Variants in ZNF718 observed in about 807,000 individuals in gnomAD.
ZNF718 encodes the protein zinc finger protein 718.
Under a neutral mutation model 2.6 loss-of-function variants are expected in ZNF718, and 3 were observed. The observed-to-expected ratio is 1.16, with a 90% CI of 0.53 to 3.01. The LOEUF is 3.01. Ranked by LOEUF, ZNF718 falls within the 30% of genes most tolerant of loss-of-function variation. ZNF718 has a pLI of 0.03. For synonymous variants in ZNF718, 135 were observed against 77.9 expected (o/e 1.73, Z -3.86); for missense variants, 468 against 230.0 (o/e 2.03, Z -6.69).
In ZNF718 at chr4:162,636, A is replaced by G. The variant is rs1447420399; in HGVS notation, c.*514A>G. Reference sequence around the variant, plus strand: ...ATAGTAAGAGGGTTGTAGTACCTGTACTTGCATCATGGGTCTTATTGTGCA... The same window carrying G: ...ATAGTAAGAGGGTTGTAGTACCTGTGCTTGCATCATGGGTCTTATTGTGCA... On this transcript the variant is annotated 3_prime_UTR_variant, in exon 4 of 4. Coordinates refer to ENST00000510175, the MANE Select transcript of ZNF718 (RefSeq NM_001039127.6). 1 of 152,570 alleles carries G rather than the reference A, an allele frequency of 6.6e-6. No individual in the cohort carries two copies. The highest frequency in any genetic ancestry group is 1.5e-5 in the Non-Finnish European group (1 of 68,326). 9.5% of individuals were successfully genotyped at this position (152,570 alleles called of 1,614,324 possible).
At chr4:186,452 T>C (rs1411827856) in intron 3 of ZNF718, among the ~76,000 whole-genome samples, 1 of 152,124 alleles carries the variant, frequency 6.6e-6, no homozygotes, top group Non-Finnish European at 1.5e-5. Context: ...ATCTGGTGAT[T>C]ATATGACTTG....
At chr4:172,625 A>G (rs1717261484) in intron 3 of ZNF718, among the ~76,000 whole-genome samples, 2 of 152,212 alleles carry the variant, frequency 1.3e-5, no homozygotes, top group African/African-American at 4.8e-5. Context: ...CTTTGACTTC[A>G]GAAATAACTC....
Position 129,127 on chromosome 4 carries a change from T to C in ZNF718, c.4-1661T>C, listed in dbSNP as rs1370787116. 1.9e-5 allele frequency among the ~76,000 whole-genome samples: 2 copies of C among 105,194 alleles called. 1 individual carries two copies. Among genetic ancestry groups the C allele is most frequent in the Non-Finnish European group, 4.3e-5 (2 of 47,002 alleles). The allele number at this position is 105,194 out of a possible 152,430, so 69.0% of individuals were successfully genotyped here. A position where few individuals can be genotyped will look rare whatever the true frequency, so the allele number is the denominator to read the frequency against. ...ATTGACAGAAGAGAAATTGTTGTTA[T>C]TATTTGTGTTGTTTTTACCTTGCTA... is the stretch of plus-strand genomic sequence containing the variant. On this transcript the variant is annotated intron_variant, in intron 1 of 3. Transcript: ENST00000510175.
chr4:156,515 CTT>C (rs1454885152), intron 3 of ZNF718, among the ~76,000 whole-genome samples: 3 of 151,998 alleles, frequency 2.0e-5, no homozygotes, highest in South Asian at 2.1e-4. Flanking sequence ...ACTTTACAAT[CTT>C]AAATATTTTT....
intron 3 of ZNF718, among the ~76,000 whole-genome samples, chr4:198,218 G>A (rs1240134110): frequency 2.6e-5 from 4 of 152,142 alleles, no homozygotes; most frequent in African/African-American, 9.7e-5. Flanking sequence ...TAAAGTTGAT[G>A]TTGAAGCTCT....
rs1311193999 is a variant in ZNF718, at chr4:161,208, G to T, written c.523G>T (p.Glu175Ter). Reference sequence around the variant, plus strand: ...TGGAGATAAAACCTTTAAATGTAAAGAATGTGGCAAATCATTTCACGTGCT... The same window carrying T: ...TGGAGATAAAACCTTTAAATGTAAATAATGTGGCAAATCATTTCACGTGCT... ...YTGDKTFKCK[E>*]CGKSFHVLSR... The change falls in exon 4 of 4, where the codon GAA (glutamate) becomes TAA (stop). Residue 175 changes from glutamate to a stop codon, truncating the protein, a stop_gained. Transcript: ENST00000510175. LOFTEE classifies it low-confidence loss of function (END_TRUNC). The T allele has an allele frequency of 2.6e-6, 2 of 772,834 alleles. No individual in the cohort carries two copies. Among genetic ancestry groups the T allele is most frequent in the Non-Finnish European group, 4.8e-6 (2 of 415,478 alleles). 47.9% of individuals were successfully genotyped at this position (772,834 alleles called of 1,614,324 possible). A position where few individuals can be genotyped will look rare whatever the true frequency, so the allele number is the denominator to read the frequency against.
intron 3 of ZNF718, among the ~76,000 whole-genome samples, chr4:139,053 A>G (rs1715698792): frequency 6.6e-6 from 1 of 151,772 alleles, no homozygotes; most frequent in South Asian, 2.1e-4. Flanking sequence ...GTTTCCAGAT[A>G]TTTTCTCCCA....
intron 3 of ZNF718, among the ~76,000 whole-genome samples, chr4:137,277 C>T (rs1158912214): frequency 6.6e-6 from 1 of 152,084 alleles, no homozygotes; most frequent in Non-Finnish European, 1.5e-5. Flanking sequence ...GTATTTATAG[C>T]AATGCAAGAA....
chr4:159,750 A>C (rs1716742692), intron 3 of ZNF718, among the ~76,000 whole-genome samples: 1 of 152,046 alleles, frequency 6.6e-6, no homozygotes. Context: ...TAAACTTTTA[A>C]ATTTTGAATA....
At chr4:140,889 A>G (rs1715782819) in intron 3 of ZNF718, among the ~76,000 whole-genome samples, 1 of 152,240 alleles carries the variant, frequency 6.6e-6, no homozygotes, top group African/African-American at 2.4e-5. Flanking sequence ...CTTTAAAATT[A>G]TTGGTGGAAT....
rs548858758 is a variant in ZNF718 at position 200,586 on chromosome 4, T to C, written c.227-495T>C. 2.6e-5 allele frequency among the ~76,000 whole-genome samples: 4 copies of C among 152,286 alleles called. No individual in the cohort carries two copies. In the East Asian group the frequency reaches 7.7e-4, roughly 29 times the overall value. On this transcript the variant is annotated intron_variant and NMD_transcript_variant, in intron 3 of 4. Transcript: ENST00000642529. ...CTGGCTGGTTTTTTGTTTTGTTTTGTTTTTGTTTTTTTTAGAGTCAGACTA... is the reference window on the plus strand; with the variant it reads ...CTGGCTGGTTTTTTGTTTTGTTTTGCTTTTGTTTTTTTTAGAGTCAGACTA...
intron 3 of ZNF718, among the ~76,000 whole-genome samples, chr4:174,247 AC>A (rs772211739): frequency 1.4e-4 from 21 of 151,962 alleles, no homozygotes; most frequent in Admixed American, 8.5e-4. Context: ...TTTTTCCACC[AC>A]CCTGACCAAT....
At chr4:171,293 G>T (rs1553817907) in intron 3 of ZNF718, among the ~76,000 whole-genome samples, 1 of 152,134 alleles carries the variant, frequency 6.6e-6, no homozygotes, top group African/African-American at 2.4e-5. Flanking sequence ...GGGAGTCAGG[G>T]ACGCACTTGA....
At chr4:196,344 G>A (rs1305997762) in intron 3 of ZNF718, among the ~76,000 whole-genome samples, 1 of 152,202 alleles carries the variant, frequency 6.6e-6, no homozygotes, top group African/African-American at 2.4e-5. Flanking sequence ...GCCTAAATTG[G>A]GAGGGACACC....
chr4:172,628 A>T (rs984614331), intron 3 of ZNF718, among the ~76,000 whole-genome samples: 1 of 152,342 alleles, frequency 6.6e-6, no homozygotes, highest in Admixed American at 6.5e-5. Flanking sequence ...TGACTTCAGA[A>T]ATAACTCTTG....
chr4:144,828 A>G (rs879951189), intron 3 of ZNF718, among the ~76,000 whole-genome samples: 4 of 152,194 alleles, frequency 2.6e-5, no homozygotes, highest in Non-Finnish European at 5.9e-5. Flanking sequence ...GCATGTAGAA[A>G]CACTAATTTT....
intron 3 of ZNF718, among the ~76,000 whole-genome samples, chr4:149,248 C>T (rs924877747): frequency 6.6e-6 from 1 of 152,180 alleles, no homozygotes; most frequent in African/African-American, 2.4e-5. Context: ...ATTGACATGG[C>T]TCATTTTCAT....
intron 3 of ZNF718, among the ~76,000 whole-genome samples, chr4:145,665 T>G (rs1581439009): frequency 6.6e-6 from 1 of 152,118 alleles, no homozygotes; most frequent in African/African-American, 2.4e-5. Flanking sequence ...GCCATGTTGC[T>G]CAGGCTGGTC....
At chr4:192,234 T>G (rs1467173088) in intron 3 of ZNF718, among the ~76,000 whole-genome samples, 1 of 152,026 alleles carries the variant, frequency 6.6e-6, no homozygotes, top group Admixed American at 6.6e-5. Context: ...GCAAATTTAA[T>G]AGAGTGAAAA....
Sources: gnomAD v4.1 joint callset for allele counts (sites outside exome capture counted in the v4.1 genomes callset) on GRCh38, gnomAD v4.1.1 for gene constraint, MANE v1.5 for transcripts, NCBI Gene and HGNC (gene_info 2026-07-23, HGNC 2026-07-21) for gene names.